The following ETV6 variants were observed in gnomAD, a reference collection of about 807,000 sequenced individuals.
ETV6 encodes ETS variant transcription factor 6, also known as transcription factor ETV6.
A neutral mutation model predicts 51.1 loss-of-function variants in ETV6; 16 were observed. The ratio of observed to expected loss-of-function variants is 0.31; its 90% CI spans 0.21 to 0.48. The LOEUF (loss-of-function observed/expected upper bound fraction) is 0.48, where lower values mean the gene tolerates loss of function less well. Ranked by LOEUF, ETV6 falls within the 20% of genes least tolerant of loss-of-function variation. The pLI is 0.99. For synonymous variants in ETV6, 240 were observed against 224.1 expected, an observed-to-expected ratio of 1.07 and a Z score of -0.64; for missense variants, 458 against 594.8, an observed-to-expected ratio of 0.77 and a Z score of 2.39.
chr12:11,710,499 A>C (rs771379739), intron 1 of ETV6, among the ~76,000 whole-genome samples: 4 of 152,186 alleles, frequency 2.6e-5, no homozygotes, highest in African/African-American at 9.7e-5. Flanking sequence ...TTTTGCAGTG[A>C]GAAAATGGCA....
At chr12:11,706,638 G>C (rs1362046107) in intron 1 of ETV6, among the ~76,000 whole-genome samples, 1 of 152,214 alleles carries the variant, frequency 6.6e-6, no homozygotes, top group Non-Finnish European at 1.5e-5. Context: ...GCACTGTTTT[G>C]TGAGCAGGAC....
At chr12:11,837,150 C>T (rs1415900146) in intron 2 of ETV6, among the ~76,000 whole-genome samples, 1 of 152,116 alleles carries the variant, frequency 6.6e-6, no homozygotes, top group African/African-American at 2.4e-5. Flanking sequence ...TTCCCATATC[C>T]ATGGACTGTT....
intron 1 of ETV6, among the ~76,000 whole-genome samples, chr12:11,687,123 A>G (rs907334215): frequency 3.3e-5 from 5 of 151,734 alleles, no homozygotes; most frequent in Admixed American, 3.3e-4. Flanking sequence ...CTGACCTCAA[A>G]TGATCTGCTA....
rs561267987 is a variant in ETV6 at position 11,769,121 on chromosome 12, G to A, written c.163+16542G>A. Among the ~76,000 whole-genome samples the A allele has an allele frequency of 9.2e-5, 14 of 152,238 alleles. No individual in the cohort carries two copies. In the South Asian group the frequency reaches 2.9e-3, roughly 32 times the overall value. Reference sequence around the variant, plus strand: ...GCCCAGTAGAGTAGTAATTACAGGAGGTAAATATCTAAAACTTACATAGCT... The same window carrying A: ...GCCCAGTAGAGTAGTAATTACAGGAAGTAAATATCTAAAACTTACATAGCT... On this transcript the variant is annotated intron_variant, in intron 2 of 7. Coordinates refer to ENST00000396373, the MANE Select transcript of ETV6 (RefSeq NM_001987.5).
At chr12:11,694,806 G>T (rs1282940259) in intron 1 of ETV6, among the ~76,000 whole-genome samples, 1 of 152,184 alleles carries the variant, frequency 6.6e-6, no homozygotes, top group East Asian at 1.9e-4. Flanking sequence ...GGAATAAGAC[G>T]TTCTTTTCCC....
At chr12:11,767,870 T>C (rs1243042124) in intron 2 of ETV6, among the ~76,000 whole-genome samples, 3 of 152,366 alleles carry the variant, frequency 2.0e-5, no homozygotes, top group African/African-American at 7.2e-5. Context: ...GCTTGCCAGA[T>C]ATGTCATCTA....
chr12:11,856,204 C>T (rs1457519243), intron 4 of ETV6, among the ~76,000 whole-genome samples: 2 of 152,060 alleles, frequency 1.3e-5, no homozygotes, highest in African/African-American at 2.4e-5. Context: ...GAGAGCTGCT[C>T]GCAAACCAAG....
At chr12:11,667,200 T>C (rs1864210836) in intron 1 of ETV6, among the ~76,000 whole-genome samples, 2 of 152,304 alleles carry the variant, frequency 1.3e-5, no homozygotes, top group South Asian at 2.1e-4. Flanking sequence ...GGAAGGCCGA[T>C]GGATAGTAGT....
intron 1 of ETV6, among the ~76,000 whole-genome samples, chr12:11,726,061 AG>A (rs1226891295): frequency 6.6e-6 from 1 of 152,248 alleles, no homozygotes; most frequent in Non-Finnish European, 1.5e-5. Flanking sequence ...ATTGTATATT[AG>A]CTATTTCTAC....
intron 2 of ETV6, among the ~76,000 whole-genome samples, chr12:11,833,450 C>T (rs546628686): frequency 5.3e-4 from 80 of 152,178 alleles, no homozygotes; most frequent in Admixed American, 1.9e-3. Context: ...TGCCTGCATG[C>T]TGAACTACCG....
chr12:11,878,643 C>G (rs773201798), intron 5 of ETV6, among the ~76,000 whole-genome samples: 4 of 151,954 alleles, frequency 2.6e-5, no homozygotes, highest in African/African-American at 4.8e-5. Flanking sequence ...TTATTTGCCT[C>G]CACTTCTCCC....
intron 1 of ETV6, among the ~76,000 whole-genome samples, chr12:11,709,040 A>C (rs956103000): frequency 6.6e-6 from 1 of 152,162 alleles, no homozygotes; most frequent in African/African-American, 2.4e-5. Flanking sequence ...CATTGAGGTG[A>C]TGCACACGTG....
At position 11,839,160 on chromosome 12, in the gene ETV6, A is replaced by C. The variant is rs755742361; in HGVS notation, c.184A>C (p.Ser62Arg). 6.2e-7 allele frequency: 1 copy of C among 1,614,090 alleles called. No individual in the cohort carries two copies. Among genetic ancestry groups the C allele is most frequent in the Non-Finnish European group, 8.5e-7 (1 of 1,179,930 alleles). ...AHLRLQPIYW[S>R]RDDVAQWLKW... is the part of the protein sequence containing the mutation. ...AACAGGCTTGCAGCCAATTTACTGG[A>C]GCAGGGATGACGTAGCCCAGTGGCT... The change falls in exon 3 of 8, where the codon AGC becomes CGC. Residue 62 changes from serine (S) to arginine (R), a missense_variant. Physicochemically the swap from Ser to Arg is moderately radical, Grantham distance 110. This residue lies in a region of ETV6 where 26 missense variants were observed against 52.1 expected (regional missense o/e 0.50). Transcript: ENST00000396373.
chr12:11,797,024 G>C (rs1425477822), intron 2 of ETV6, among the ~76,000 whole-genome samples: 1 of 152,138 alleles, frequency 6.6e-6, no homozygotes, highest in East Asian at 1.9e-4. Context: ...ATTTCTTAAA[G>C]TAGAGCTTTA....
At chr12:11,674,593 TA>T (rs768195011) in intron 1 of ETV6, among the ~76,000 whole-genome samples, 104 of 150,114 alleles carry the variant, frequency 6.9e-4, no homozygotes, top group Non-Finnish European at 1.3e-3. Flanking sequence ...TCAAGGCCCA[TA>T]GGGGTTAATG....
chr12:11,731,077 G>A (rs1865586854), intron 1 of ETV6, among the ~76,000 whole-genome samples: 2 of 152,188 alleles, frequency 1.3e-5, no homozygotes, highest in Non-Finnish European at 2.9e-5. Context: ...TTGTGAATGG[G>A]AAGTGCTGCT....
At chr12:11,669,809 A>G (rs1323470266) in intron 1 of ETV6, among the ~76,000 whole-genome samples, 1 of 152,192 alleles carries the variant, frequency 6.6e-6, no homozygotes, top group African/African-American at 2.4e-5. Context: ...TCGTATTCCC[A>G]AAATAGAAAC....
chr12:11,756,787 A>T (rs1322671201), intron 2 of ETV6, among the ~76,000 whole-genome samples: 1 of 152,260 alleles, frequency 6.6e-6, no homozygotes, highest in East Asian at 1.9e-4. Context: ...TCATTGGCAG[A>T]GGCTTACCTT....
intron 4 of ETV6, among the ~76,000 whole-genome samples, chr12:11,858,556 T>G (rs955423777): frequency 6.6e-6 from 1 of 152,180 alleles, no homozygotes; most frequent in African/African-American, 2.4e-5. Context: ...GGACTGGATA[T>G]GCAGTCTGTA....
Sources: allele counts gnomAD v4.1 joint callset (sites outside exome capture counted in the v4.1 genomes callset), GRCh38; gene constraint gnomAD v4.1.1; regional missense constraint gnomAD v4.1.1; transcripts MANE v1.5; gene names NCBI Gene and HGNC (gene_info 2026-07-23, HGNC 2026-07-21).